The following USP35 variants were observed in gnomAD, a reference collection of about 807,000 sequenced individuals.
The protein encoded by USP35 is ubiquitin specific peptidase 35.
Under a neutral mutation model 83.8 loss-of-function variants are expected in USP35, and 69 were observed. The ratio of observed to expected loss-of-function variants is 0.82; its 90% CI spans 0.68 to 1.01. The LOEUF is 1.01. Ranked by LOEUF, USP35 falls within the 50% of genes least tolerant of loss-of-function variation. USP35 has a pLI of 0.00. For missense variants in USP35, 1,503 were observed against 1,362.5 expected (o/e 1.10, Z -1.62); for synonymous variants, 714 against 589.5 (o/e 1.21, Z -3.06).
At chr11:78,200,305 C>A (rs1468083482) in intron 5 of USP35, 71 bp downstream of exon 5, 1 of 1,526,590 alleles carries the variant, frequency 6.6e-7, no homozygotes, top group Non-Finnish European at 9.0e-7. Flanking sequence ...CTGCCTACTG[C>A]CCCTGGTAAG....
chr11:78,196,175 C>T lies in USP35; in HGVS notation c.-10-61C>T. 1.3e-6 allele frequency: 2 copies of T among 1,508,026 alleles called. No individual in the cohort carries two copies. Among genetic ancestry groups the T allele is most frequent in the East Asian group, 2.6e-5 (1 of 38,786 alleles). The allele number at this position is 1,508,026 out of a possible 1,614,324, so 93.4% of individuals were successfully genotyped here. Reference sequence around the variant, plus strand: ...CCTAAGTCTCAGCACTCGGGGACTGCACCGGGAACTCTTGAGCCCCGCGGT... The same window carrying T: ...CCTAAGTCTCAGCACTCGGGGACTGTACCGGGAACTCTTGAGCCCCGCGGT... On this transcript the variant is annotated intron_variant, in intron 1 of 10. Transcript: ENST00000529308. The surrounding 1 kb of genome is among the most constrained non-coding windows in gnomAD (Gnocchi z 4.8).
chr11:78,191,617 T>A (rs1272159796), intron 1 of USP35, among the ~76,000 whole-genome samples: 1 of 152,064 alleles, frequency 6.6e-6, no homozygotes, highest in Admixed American at 6.5e-5. Flanking sequence ...AATTGGGAGA[T>A]GGGTTAGGAG....
rs1469902937 is a variant in USP35, at chr11:78,210,592, T to C, written c.2737T>C (p.Phe913Leu). 1 of 1,613,994 alleles carries C rather than the reference T, an allele frequency of 6.2e-7. No individual in the cohort carries two copies. Among genetic ancestry groups the C allele is most frequent in the East Asian group, 2.2e-5 (1 of 44,900 alleles). ...ATCTGTCAGCAACGTCACCTCCTTC[T>C]TCCCTAAGGACACAGCCTATGTGCT... ...FESVSNVTSF[F>L]PKDTAYVLFY... Residue 913 changes from phenylalanine (F) to leucine (L), a missense_variant, in exon 10 of 11, where the codon TTC becomes CTC. Physicochemically the swap from Phe to Leu is conservative, Grantham distance 22. Transcript: ENST00000529308.
chr11:78,226,768 G>T, the USP35 span: 1 of 1,614,008 alleles, frequency 6.2e-7, no homozygotes, highest in East Asian at 2.2e-5. Context: ...TCCCTGCACA[G>T]GGTGTTGCTG....
the USP35 span, among the ~76,000 whole-genome samples, chr11:78,233,157 A>T: frequency 8.6e-5 from 13 of 150,528 alleles, no homozygotes; most frequent in East Asian, 2.2e-3. Flanking sequence ...CTCCCACCTC[A>T]GTCTTCTGAG....
chr11:78,220,259 T>G, the USP35 span: 2 of 1,597,586 alleles, frequency 1.3e-6, no homozygotes, highest in Non-Finnish European at 1.7e-6. Context: ...CTGGCCTCCA[T>G]GATCTCTGCC....
downstream of USP35, chr11:78,219,377 G>C (rs2134449349): frequency 6.2e-7 from 1 of 1,613,890 alleles, no homozygotes; most frequent in Non-Finnish European, 8.5e-7. Flanking sequence ...CCTGAACGTA[G>C]TCCACCTTCT....
chr11:78,227,008 T>A, the USP35 span: 3 of 1,613,410 alleles, frequency 1.9e-6, no homozygotes, highest in Non-Finnish European at 2.5e-6. Flanking sequence ...GTGTCACTCC[T>A]CATGAGAAAA....
intron 10 of USP35, among the ~76,000 whole-genome samples, chr11:78,211,139 A>G (rs1256146244): frequency 3.2e-5 from 1 of 31,440 alleles, no homozygotes; most frequent in Non-Finnish European, 6.5e-5. Flanking sequence ...GTCCCCTCCC[A>G]CCCCCACCAG....
rs1396479308 is a variant in USP35, at chr11:78,196,889, A to G, written c.644A>G (p.Lys215Arg). The stretch of plus-strand genomic sequence containing the variant: ...CCCGCCGCCATCCTGCCCTGCCTCA[A>G]AGAGCTGTTCGCAGTCATCTCCTGC... ...AQPAAILPCL[K>R]ELFAVISCAE... is the part of the protein sequence containing the mutation. The change falls in exon 2 of 11, where the codon AAA becomes AGA. Residue 215 changes from lysine to arginine, a missense_variant. Transcript: ENST00000529308. This position sits in a 1 kb window ranked among gnomAD's most constrained non-coding sequence, Gnocchi z 4.8. 7 of 1,473,954 alleles carry G rather than the reference A, an allele frequency of 4.7e-6. No individual in the cohort carries two copies. In the African/African-American group the frequency reaches 7.2e-5, roughly 15 times the overall value. The allele number at this position is 1,473,954 out of a possible 1,614,324, so 91.3% of individuals were successfully genotyped here.
chr11:78,218,016 CCTT>C (rs760830830), downstream of USP35: 4 of 153,018 alleles, frequency 2.6e-5, no homozygotes, highest in South Asian at 2.1e-4. Flanking sequence ...ACGTGTCCCT[CCTT>C]CACTTTCTGC....
At chr11:78,207,071 G>A (rs1344059832) in intron 7 of USP35, among the ~76,000 whole-genome samples, 3 of 152,188 alleles carry the variant, frequency 2.0e-5, no homozygotes, top group Non-Finnish European at 4.4e-5. Context: ...CGATTGGAGG[G>A]CCCAGGTCAG....
In USP35 at chr11:78,209,691, C is replaced by A; in HGVS notation, c.1836C>A (p.Gly612=). The A allele has an allele frequency of 6.2e-7, 1 of 1,613,968 alleles. No individual in the cohort carries two copies. The highest frequency in any genetic ancestry group is 1.1e-5 in the South Asian group (1 of 91,070). ...AGCGCTGTCGCCGCCGCCGCCTGGG[C>A]TCTGTGATGCGCCCCACAGAAGACA... The part of the protein sequence containing the change: ...PPERCRRRRL[G]SVMRPTEDIT... The change falls in exon 10 of 11, where the codon GGC becomes GGA. Residue 612 remains glycine (G), a synonymous_variant. Coordinates refer to ENST00000529308, the MANE Select transcript of USP35 (RefSeq NM_020798.4).
At chr11:78,200,307 C>T in intron 5 of USP35, 73 bp downstream of exon 5, 2 of 1,536,914 alleles carry the variant, frequency 1.3e-6, no homozygotes, top group South Asian at 1.1e-5. Flanking sequence ...GCCTACTGCC[C>T]CTGGTAAGGG....
chr11:78,225,010 C>T, the USP35 span: 9 of 740,696 alleles, frequency 1.2e-5, 1 homozygote, highest in East Asian at 1.2e-4. Context: ...AAGATGGAGA[C>T]GCCATCAATC....
chr11:78,208,738 A>AG, intron 8 of USP35, 119 bp from the exon 9 acceptor site: 9 of 1,071,534 alleles, frequency 8.4e-6, no homozygotes, highest in Non-Finnish European at 1.3e-5. Context: ...GACCTCATGG[A>AG]GGAGGCCAGG....
chr11:78,226,838 G>C, the USP35 span: 34 of 1,613,958 alleles, frequency 2.1e-5, no homozygotes, highest in Non-Finnish European at 2.8e-5. Context: ...GGCTGCCCTT[G>C]GTGTGGCCAT....
chr11:78,231,359 G>GTC, the USP35 span, among the ~76,000 whole-genome samples: 1 of 152,006 alleles, frequency 6.6e-6, no homozygotes, highest in African/African-American at 2.4e-5. Context: ...GTGTGTGTGT[G>GTC]TGTGTGTGTG....
chr11:78,197,189 A>C (rs998563378), intron 2 of USP35, among the ~76,000 whole-genome samples: 9 of 94,564 alleles, frequency 9.5e-5, no homozygotes, highest in African/African-American at 3.8e-4. Context: ...GCCTGGCCGG[A>C]GGGAGGAACG....
Sources: allele counts gnomAD v4.1 joint callset (sites outside exome capture counted in the v4.1 genomes callset), GRCh38; gene constraint gnomAD v4.1.1; non-coding constraint Gnocchi (gnomAD v3.1); transcripts MANE v1.5; gene names NCBI Gene and HGNC (gene_info 2026-07-23, HGNC 2026-07-21).